Variants in C10orf67 observed in about 807,000 individuals in gnomAD.
The protein encoded by C10orf67 is uncharacterized protein C10orf67, mitochondrial.
C10orf67 carries 60 observed loss-of-function variants against 35.6 expected under a neutral mutation model. The observed-to-expected ratio is 1.68, with a 90% CI of 1.37 to 2.09. The LOEUF (loss-of-function observed/expected upper bound fraction) is 2.09, where lower values mean the gene tolerates loss of function less well. C10orf67 is among the 30% of genes most tolerant of loss of function. C10orf67 has a pLI of 0.00. For synonymous variants in C10orf67, 167 were observed against 115.8 expected (o/e 1.44, Z -2.84); for missense variants, 474 against 330.2 (o/e 1.44, Z -3.38).
intron 2 of C10orf67, among the ~76,000 whole-genome samples, chr10:23,329,256 A>C (rs900994590): frequency 7.2e-5 from 11 of 152,138 alleles, no homozygotes; most frequent in African/African-American, 2.6e-4. Flanking sequence ...TTAAAAAGGA[A>C]TATAACTACA....
intron 10 of C10orf67, among the ~76,000 whole-genome samples, chr10:23,263,987 C>T (rs1842821276): frequency 6.6e-6 from 1 of 152,114 alleles, no homozygotes; most frequent in Admixed American, 6.6e-5. Flanking sequence ...GTGCTGTTCC[C>T]ACCGAATGAC....
intron 4 of C10orf67, among the ~76,000 whole-genome samples, chr10:23,307,792 AT>A (rs1346905255): frequency 1.3e-5 from 2 of 151,502 alleles, no homozygotes; most frequent in Admixed American, 6.6e-5. Context: ...AATATGTGTA[AT>A]TTTTTTGCAG....
At chr10:23,258,600 A>T (rs1236224119) in intron 10 of C10orf67, 1 of 157,670 alleles carries the variant, frequency 6.3e-6, no homozygotes, top group East Asian at 1.6e-4. Flanking sequence ...TGGCTTTAAG[A>T]TTCTGAGCAG....
chr10:23,284,459 G>A (rs1382988438), intron 7 of C10orf67, among the ~76,000 whole-genome samples: 2 of 151,226 alleles, frequency 1.3e-5, no homozygotes, highest in Non-Finnish European at 2.9e-5. Flanking sequence ...GAGGTGGGAG[G>A]ATCCCTTGAG....
intron 13 of C10orf67, among the ~76,000 whole-genome samples, chr10:23,225,939 C>T (rs1462087003): frequency 6.6e-6 from 1 of 152,152 alleles, no homozygotes; most frequent in Non-Finnish European, 1.5e-5. Flanking sequence ...TGACACCCCA[C>T]TGTCAACAAG....
chr10:23,278,067 C>T (rs938276502), intron 8 of C10orf67, among the ~76,000 whole-genome samples: 2 of 152,136 alleles, frequency 1.3e-5, no homozygotes, highest in African/African-American at 2.4e-5. Context: ...TGGGAGATGA[C>T]GCTAAACCAT....
chr10:23,335,847 T>C (rs969704894), intron 1 of C10orf67, among the ~76,000 whole-genome samples: 2 of 152,304 alleles, frequency 1.3e-5, no homozygotes, highest in South Asian at 2.1e-4. Context: ...TAGTTAAATG[T>C]TCCCCCAAAT....
At chr10:23,262,490 G>A (rs943134072) in intron 10 of C10orf67, among the ~76,000 whole-genome samples, 17 of 152,096 alleles carry the variant, frequency 1.1e-4, no homozygotes, top group African/African-American at 4.1e-4. Flanking sequence ...CAGTGCTTTG[G>A]GAAGAATAAG....
intron 8 of C10orf67, among the ~76,000 whole-genome samples, chr10:23,271,754 A>C (rs1348957737): frequency 6.6e-6 from 1 of 152,224 alleles, no homozygotes; most frequent in Non-Finnish European, 1.5e-5. Context: ...TAGCTTGGCC[A>C]TTTAAAAAAT....
intron 1 of C10orf67, among the ~76,000 whole-genome samples, chr10:23,337,426 T>C (rs1052639485): frequency 6.6e-6 from 1 of 152,044 alleles, no homozygotes; most frequent in Non-Finnish European, 1.5e-5. Flanking sequence ...CCCAGGTACT[T>C]GGGAGGCTGA....
intron 2 of C10orf67, among the ~76,000 whole-genome samples, chr10:23,325,434 C>T (rs1447864048): frequency 2.0e-5 from 3 of 149,574 alleles, no homozygotes; most frequent in Non-Finnish European, 4.4e-5. Context: ...CTGCAAATAG[C>T]CCAGCTAGAG....
chr10:23,275,841 C>T (rs753215339), intron 8 of C10orf67, among the ~76,000 whole-genome samples: 17 of 152,032 alleles, frequency 1.1e-4, no homozygotes, highest in East Asian at 1.9e-4. Flanking sequence ...AAAAGTTGGG[C>T]GGGAGTCACT....
intron 8 of C10orf67, among the ~76,000 whole-genome samples, chr10:23,280,994 G>T (rs1843347911): frequency 6.6e-6 from 1 of 152,166 alleles, no homozygotes; most frequent in Non-Finnish European, 1.5e-5. Context: ...GGTGGGGGTA[G>T]AAGAAATTCA....
At chr10:23,286,242 T>C (rs564592636) in intron 7 of C10orf67, among the ~76,000 whole-genome samples, 32 of 149,490 alleles carry the variant, frequency 2.1e-4, no homozygotes, top group Admixed American at 3.4e-4. Context: ...AATAAAAAAA[T>C]AAAAAATTAG....
rs773998978 is a variant in C10orf67, at chr10:23,343,005, A to G, written c.206+1564T>C. On this transcript the variant is annotated intron_variant, in intron 1 of 15. Coordinates refer to ENST00000636213, the MANE Select transcript of C10orf67 (RefSeq NM_001371909.1). ...TACTGATTTGAAAAGGTTTTTAGAA[A>G]GAAATTTGCATTTTCCCAGAAACAT... 1.5e-4 allele frequency among the ~76,000 whole-genome samples: 23 copies of G among 152,266 alleles called. 1 individual carries two copies. Among genetic ancestry groups the G allele is most frequent in the South Asian group, 4.1e-4 (2 of 4,836 alleles).
At chr10:23,227,351 A>C (rs1386062037) in intron 13 of C10orf67, among the ~76,000 whole-genome samples, 1 of 152,214 alleles carries the variant, frequency 6.6e-6, no homozygotes, top group Admixed American at 6.5e-5. Flanking sequence ...TGATTATCTC[A>C]ATAGATGCAG....
intron 10 of C10orf67, among the ~76,000 whole-genome samples, chr10:23,252,435 T>C (rs1346564999): frequency 3.3e-5 from 5 of 152,254 alleles, no homozygotes. Flanking sequence ...GAATTAACTG[T>C]TTCAGGCAGG....
chr10:23,210,873 G>A (rs1334899690), intron 15 of C10orf67, among the ~76,000 whole-genome samples: 1 of 152,140 alleles, frequency 6.6e-6, no homozygotes, highest in Non-Finnish European at 1.5e-5. Context: ...CTGATCAAGG[G>A]AACATATCTC....
intron 2 of C10orf67, among the ~76,000 whole-genome samples, chr10:23,331,818 C>T (rs1037119394): frequency 2.0e-5 from 3 of 152,076 alleles, no homozygotes; most frequent in African/African-American, 7.2e-5. Context: ...TCAGAGCTGC[C>T]ACAGACCATT....
Sources: gnomAD v4.1 joint callset for allele counts (sites outside exome capture counted in the v4.1 genomes callset) on GRCh38, gnomAD v4.1.1 for gene constraint, MANE v1.5 for transcripts, NCBI Gene and HGNC (gene_info 2026-07-23, HGNC 2026-07-21) for gene names.